RDX: variants seen among roughly 807,000 people sequenced by gnomAD.
RDX encodes the protein radixin.
RDX carries 32 observed loss-of-function variants against 83.7 expected under a neutral mutation model. The ratio of observed to expected loss-of-function variants is 0.38; its 90% CI spans 0.29 to 0.51. The LOEUF (loss-of-function observed/expected upper bound fraction) is 0.51. RDX is among the 20% of genes least tolerant of loss of function. The probability of loss-of-function intolerance (pLI) is 0.87; values close to 1 mark genes in which losing one functional copy is unlikely to be tolerated. For synonymous variants in RDX, 229 were observed against 222.7 expected (o/e 1.03, Z -0.25); for missense variants, 600 against 689.9 (o/e 0.87, Z 1.46).
rs113551835 is a variant in RDX, at chr11:110,204,699, T to A, written c.1749-5021A>T. ...GCCCGGTTAATTTTTGTATTTGTAG[T>A]AGAGACGGGGCTTTACCATGTTGGT... On this transcript the variant is annotated intron_variant, in intron 14 of 15. Coordinates refer to the RDX transcript ENST00000528498. Among the ~76,000 whole-genome samples the A allele has an allele frequency of 1.9e-3, 295 of 152,166 alleles. 1 individual carries two copies. Among genetic ancestry groups the A allele is most frequent in the African/African-American group, 6.8e-3 (284 of 41,520 alleles).
chr11:110,236,480 C>T, intron 11 of RDX: 1 of 325,714 alleles, frequency 3.1e-6, no homozygotes, highest in Non-Finnish European at 5.7e-6. Context: ...TAAAAAATTT[C>T]CATCAATAAA....
chr11:110,178,073 C>T (rs1214751398), intron 15 of RDX, among the ~76,000 whole-genome samples: 1 of 152,142 alleles, frequency 6.6e-6, no homozygotes, highest in Non-Finnish European at 1.5e-5. Context: ...ACCCCTGGCC[C>T]GTCTCACAGT....
At chr11:110,274,899 G>A (rs542129495) in intron 2 of RDX, among the ~76,000 whole-genome samples, 19 of 152,212 alleles carry the variant, frequency 1.2e-4, no homozygotes, top group Middle Eastern at 3.4e-3. Flanking sequence ...ACATGTCTCC[G>A]AGTGTCAGAA....
intron 15 of RDX, among the ~76,000 whole-genome samples, chr11:110,189,243 TA>T (rs35450797): frequency 0.28 from 9,732 of 35,358 alleles, 712 homozygotes; most frequent in East Asian, 0.4. Flanking sequence ...GAACAACAGG[TA>T]AAAAAAAAAA....
At chr11:110,243,471 A>G (rs760286068) in intron 10 of RDX, among the ~76,000 whole-genome samples, 5 of 152,290 alleles carry the variant, frequency 3.3e-5, no homozygotes, top group Middle Eastern at 6.8e-3. Context: ...TAATCCAGCA[A>G]TTTGGGAGGC....
chr11:110,266,189 T>C (rs1424501759), intron 3 of RDX, among the ~76,000 whole-genome samples: 19 of 149,828 alleles, frequency 1.3e-4, no homozygotes, highest in Admixed American at 3.3e-4. Context: ...AAAAATTAGC[T>C]GGGCGTGGTG....
chr11:110,185,214 T>C (rs1862963457), intron 15 of RDX: 1 of 152,238 alleles, frequency 6.6e-6, no homozygotes, highest in Non-Finnish European at 1.5e-5. Flanking sequence ...GCTTTCTGCA[T>C]AGAACAGAAA....
chr11:110,283,697 G>GT (rs1408653637), intron 1 of RDX, among the ~76,000 whole-genome samples: 8 of 151,808 alleles, frequency 5.3e-5, no homozygotes, highest in Admixed American at 6.6e-5. Flanking sequence ...CCGTCTCTAT[G>GT]TTTTTTTAAA....
At position 110,198,055 on chromosome 11, in the gene RDX, CAT is replaced by C. The variant is rs200434726; in HGVS notation, c.*31+1524_*31+1525del. Reference sequence around the variant, plus strand: ...AAAAGTTCCCCACCTTAAATGAACACATGTGACCATTTTTTTGTCACATAAAT... The same window carrying C: ...AAAAGTTCCCCACCTTAAATGAACACGTGACCATTTTTTTGTCACATAAAT... On this transcript the variant is annotated intron_variant, in intron 15 of 15. Transcript: ENST00000528498. 6.0e-3 allele frequency among the ~76,000 whole-genome samples: 913 copies of C among 152,292 alleles called. 27 individuals carry two copies. Among genetic ancestry groups the C allele is most frequent in the Admixed American group, 0.05 (762 of 15,292 alleles).
Position 110,253,906 on chromosome 11 carries a change from A to G in RDX, c.959+40T>C, listed in dbSNP as rs372639824. Reference sequence around the variant, plus strand: ...AGCAGTCTTAAATTTTAGATAGCCTACTCCTATCAATTAAAAGTGAAAGGT... The same window carrying G: ...AGCAGTCTTAAATTTTAGATAGCCTGCTCCTATCAATTAAAAGTGAAAGGT... On this transcript the variant is annotated intron_variant, in intron 9 of 13. Coordinates refer to ENST00000645495, the MANE Select transcript of RDX (RefSeq NM_002906.4). 30 of 1,578,786 alleles carry G rather than the reference A, an allele frequency of 1.9e-5. No homozygotes were observed. The African/African-American group carries it at 3.9e-4, about 21-fold the overall frequency.
At chr11:110,212,305 T>C (rs1288335214) in intron 14 of RDX, among the ~76,000 whole-genome samples, 10 of 150,742 alleles carry the variant, frequency 6.6e-5, no homozygotes, top group East Asian at 1.9e-4. Flanking sequence ...AATCTCTGAA[T>C]AGACCAATAA....
downstream of RDX, among the ~76,000 whole-genome samples, chr11:110,227,357 A>G (rs1165288658): frequency 6.6e-6 from 1 of 152,166 alleles, no homozygotes; most frequent in Non-Finnish European, 1.5e-5. Context: ...ATACTGATTT[A>G]GTAAGTAAAA....
chr11:110,284,289 A>G (rs1860888884), intron 1 of RDX, among the ~76,000 whole-genome samples: 1 of 152,200 alleles, frequency 6.6e-6, no homozygotes, highest in South Asian at 2.1e-4. Flanking sequence ...ATATAAAAGA[A>G]AGTAATCTGT....
intron 7 of RDX, among the ~76,000 whole-genome samples, chr11:110,256,503 T>G (rs999367224): frequency 6.6e-6 from 1 of 152,194 alleles, no homozygotes; most frequent in African/African-American, 2.4e-5. Flanking sequence ...TCTTGTGAGG[T>G]AAGCCTGGAA....
chr11:110,205,550 T>C (rs1478809134), intron 14 of RDX, among the ~76,000 whole-genome samples: 1 of 151,376 alleles, frequency 6.6e-6, no homozygotes, highest in Non-Finnish European at 1.5e-5. Flanking sequence ...GGAAAGAAAT[T>C]ATCTGAATTA....
chr11:110,293,415 A>C (rs995574003), intron 1 of RDX, among the ~76,000 whole-genome samples: 2 of 152,114 alleles, frequency 1.3e-5, no homozygotes, highest in African/African-American at 2.4e-5. Context: ...CTATACATTC[A>C]ATATAAAGAT....
In RDX at chr11:110,251,679, T is replaced by C. The variant is rs184632363; in HGVS notation, c.959+2267A>G. Reference sequence around the variant, plus strand: ...AAACTTGGGGCTTTCAGTTTTCACATGTGGAAACAATTTTAGCCATACAAA... The same window carrying C: ...AAACTTGGGGCTTTCAGTTTTCACACGTGGAAACAATTTTAGCCATACAAA... On this transcript the variant is annotated intron_variant, in intron 9 of 13. Coordinates refer to ENST00000645495, the MANE Select transcript of RDX (RefSeq NM_002906.4). Among the ~76,000 whole-genome samples, 141 of 152,226 alleles carry C rather than the reference T, an allele frequency of 9.3e-4. 1 individual carries two copies. The highest frequency in any genetic ancestry group is 3.1e-3 in the African/African-American group (130 of 41,536).
chr11:110,234,435 T>C (rs1305922446), intron 12 of RDX, among the ~76,000 whole-genome samples: 2 of 152,202 alleles, frequency 1.3e-5, no homozygotes, highest in Non-Finnish European at 2.9e-5. Context: ...TATAGTCTAA[T>C]ATTCTGAGAT....
chr11:110,201,367 G>A (rs1323567068), intron 14 of RDX, among the ~76,000 whole-genome samples: 2 of 152,096 alleles, frequency 1.3e-5, no homozygotes, highest in Non-Finnish European at 2.9e-5. Flanking sequence ...AAATTTAGGA[G>A]AGCATGAGAA....
Sources: allele counts gnomAD v4.1 joint callset (sites outside exome capture counted in the v4.1 genomes callset), GRCh38; gene constraint gnomAD v4.1.1; transcripts MANE v1.5; gene names NCBI Gene and HGNC (gene_info 2026-07-23, HGNC 2026-07-21).